HS6ST3: variants seen among roughly 807,000 people sequenced by gnomAD.
HS6ST3 encodes heparan sulfate 6-O-sulfotransferase 3.
HS6ST3 carries 12 observed loss-of-function variants against 36.7 expected under a neutral mutation model. That is an observed-to-expected ratio of 0.33 (90% CI 0.21 to 0.53). HS6ST3 has a LOEUF of 0.53. HS6ST3 is among the 20% of genes least tolerant of loss of function. The pLI, the probability that HS6ST3 is intolerant of heterozygous loss-of-function variation, is 0.95. For missense variants in HS6ST3, 584 were observed against 640.9 expected (o/e 0.91, Z 0.96); for synonymous variants, 240 against 257.5 (o/e 0.93, Z 0.65).
At chr13:96,586,980 G>A (rs996730276) in intron 1 of HS6ST3, among the ~76,000 whole-genome samples, 7 of 152,086 alleles carry the variant, frequency 4.6e-5, no homozygotes, top group African/African-American at 7.2e-5. Flanking sequence ...TATAGTATGC[G>A]ATAAGGGTCT....
rs1263870423 is a variant in HS6ST3, at chr13:96,090,808, T to A, written c.-55T>A. 2 of 1,413,634 alleles carry A rather than the reference T, an allele frequency of 1.4e-6. No individual in the cohort carries two copies. The highest frequency in any genetic ancestry group is 3.0e-5 in the African/African-American group (2 of 66,416). The allele number at this position is 1,413,634 out of a possible 1,614,324, so 87.6% of individuals were successfully genotyped here. A position where few individuals can be genotyped will look rare whatever the true frequency, so the allele number is the denominator to read the frequency against. On this transcript the variant is annotated 5_prime_UTR_variant, in exon 1 of 2. Coordinates refer to ENST00000376705, the MANE Select transcript of HS6ST3 (RefSeq NM_153456.4). Reference sequence around the variant, plus strand: ...CGCGAAACTTCCGAGCGGGCGCCCGTCCGCCCTGCCGCCGCCGCCGCCGCC... The same window carrying A: ...CGCGAAACTTCCGAGCGGGCGCCCGACCGCCCTGCCGCCGCCGCCGCCGCC...
chr13:96,317,796 G>A lies in HS6ST3; in HGVS notation c.707+226227G>A, dbSNP rs146693041. 7.3e-4 allele frequency among the ~76,000 whole-genome samples: 110 copies of A among 150,190 alleles called. 2 individuals are homozygous for A. The highest frequency in any genetic ancestry group is 2.6e-3 in the African/African-American group (105 of 40,816). On this transcript the variant is annotated intron_variant, in intron 1 of 1. Transcript: ENST00000376705. Reference sequence around the variant, plus strand: ...TGATATCTCATTGTGGTTTTGATTTGCATTTCTCTTATGATTAATTATAAT... The same window carrying A: ...TGATATCTCATTGTGGTTTTGATTTACATTTCTCTTATGATTAATTATAAT...
intron 1 of HS6ST3, among the ~76,000 whole-genome samples, chr13:96,811,219 T>C (rs929082699): frequency 1.3e-5 from 2 of 152,222 alleles, no homozygotes; most frequent in African/African-American, 4.8e-5. Context: ...CTTCGCATGT[T>C]AGCTAAGAAG....
intron 1 of HS6ST3, among the ~76,000 whole-genome samples, chr13:96,593,390 G>T (rs150344711): frequency 0.012 from 1,871 of 150,624 alleles, 43 homozygotes; most frequent in African/African-American, 0.043. Context: ...GAGATGGGGT[G>T]TTTCCCTGTT....
chr13:96,466,857 C>A (rs1927548), intron 1 of HS6ST3, among the ~76,000 whole-genome samples: 125,595 of 152,160 alleles, frequency 0.83, 53,589 homozygotes, highest in Non-Finnish European at 0.95. Flanking sequence ...TGTGATGAGA[C>A]AAGTGTATAT....
chr13:96,388,644 C>T lies in HS6ST3; in HGVS notation c.707+297075C>T, dbSNP rs1666701740. Among the ~76,000 whole-genome samples the T allele has an allele frequency of 2.0e-5, 3 of 152,166 alleles. No individual in the cohort carries two copies. The South Asian group carries it at 6.2e-4, about 32-fold the overall frequency. ...CCTACCTGATATGGTTTGGCTGTGT[C>T]CCTATCCTTCACCTTGAATTGTAAT... On this transcript the variant is annotated intron_variant, in intron 1 of 1. Coordinates refer to ENST00000376705, the MANE Select transcript of HS6ST3 (RefSeq NM_153456.4).
At chr13:96,213,030 G>A (rs1162890615) in intron 1 of HS6ST3, among the ~76,000 whole-genome samples, 3 of 152,186 alleles carry the variant, frequency 2.0e-5, no homozygotes, top group Admixed American at 2.0e-4. Flanking sequence ...TGACAGAGCA[G>A]CTGATAACTT....
intron 1 of HS6ST3, among the ~76,000 whole-genome samples, chr13:96,361,017 CA>C (rs1433482160): frequency 6.6e-6 from 1 of 150,988 alleles, no homozygotes; most frequent in African/African-American, 2.4e-5. Context: ...AGTGCTTAAC[CA>C]AAAGACTAAG....
intron 1 of HS6ST3, among the ~76,000 whole-genome samples, chr13:96,295,739 A>G (rs1305538344): frequency 6.6e-6 from 1 of 152,118 alleles, no homozygotes; most frequent in Non-Finnish European, 1.5e-5. Context: ...TCAAATGGAA[A>G]GCATCAGCAT....
chr13:96,426,127 A>G (rs2055585619), intron 1 of HS6ST3, among the ~76,000 whole-genome samples: 1 of 151,754 alleles, frequency 6.6e-6, no homozygotes. Context: ...AAAAAGGGTA[A>G]AATTAAAAAA....
intron 1 of HS6ST3, among the ~76,000 whole-genome samples, chr13:96,408,831 G>A (rs1414309287): frequency 1.3e-5 from 2 of 152,050 alleles, no homozygotes; most frequent in African/African-American, 2.4e-5. Flanking sequence ...GCTGAGGCAG[G>A]GAGAATCGCT....
chr13:96,131,494 A>T (rs1447007198), intron 1 of HS6ST3, among the ~76,000 whole-genome samples: 1 of 152,178 alleles, frequency 6.6e-6, no homozygotes. Context: ...TATGTTGTGG[A>T]ATGACTAAAT....
intron 1 of HS6ST3, among the ~76,000 whole-genome samples, chr13:96,482,437 C>A (rs1427540806): frequency 6.6e-6 from 1 of 151,672 alleles, no homozygotes; most frequent in African/African-American, 2.4e-5. Context: ...TTTAGGTTCA[C>A]AGTTCTTGTT....
In HS6ST3 at chr13:96,310,158, GTTC is replaced by G. The variant is rs370091769; in HGVS notation, c.707+218592_707+218594del. 7.2e-4 allele frequency among the ~76,000 whole-genome samples: 109 copies of G among 151,940 alleles called. 2 individuals carry two copies. The highest frequency in any genetic ancestry group is 2.5e-3 in the African/African-American group (104 of 41,464). ...AGTATTGCTCAAAAATTTTTTCTTA[GTTC>G]TTTGCATTTTTGTCATGCTGATTAT... On this transcript the variant is annotated intron_variant, in intron 1 of 1. Transcript: ENST00000376705.
chr13:96,431,074 C>T (rs372503971), intron 1 of HS6ST3, among the ~76,000 whole-genome samples: 11 of 151,974 alleles, frequency 7.2e-5, no homozygotes, highest in South Asian at 2.1e-4. Context: ...TGTGGTGGTA[C>T]GTGCCTGTAG....
intron 1 of HS6ST3, among the ~76,000 whole-genome samples, chr13:96,713,918 G>A (rs1448141347): frequency 6.6e-6 from 1 of 152,062 alleles, no homozygotes; most frequent in African/African-American, 2.4e-5. Context: ...GGTATGACAG[G>A]AGTAGCATAT....
intron 1 of HS6ST3, among the ~76,000 whole-genome samples, chr13:96,687,983 C>T (rs1010860807): frequency 8.0e-5 from 12 of 150,896 alleles, no homozygotes; most frequent in East Asian, 2.0e-4. Context: ...AGCCAAACAC[C>T]ACATGTTCTC....
intron 1 of HS6ST3, among the ~76,000 whole-genome samples, chr13:96,183,492 C>A (rs1012446286): frequency 4.6e-5 from 7 of 152,046 alleles, no homozygotes; most frequent in African/African-American, 1.7e-4. Flanking sequence ...CTAATTATAA[C>A]CCTATCATAA....
intron 1 of HS6ST3, among the ~76,000 whole-genome samples, chr13:96,600,078 A>G (rs904912314): frequency 6.6e-6 from 1 of 152,046 alleles, no homozygotes; most frequent in African/African-American, 2.4e-5. Flanking sequence ...AAAATGCACC[A>G]TGCGCTGATG....
Sources: gnomAD v4.1 joint callset for allele counts (sites outside exome capture counted in the v4.1 genomes callset) on GRCh38, gnomAD v4.1.1 for gene constraint, MANE v1.5 for transcripts, NCBI Gene and HGNC (gene_info 2026-07-23, HGNC 2026-07-21) for gene names.